Variants in ABCB5 observed in about 807,000 individuals in gnomAD.
ABCB5 encodes the protein ATP-binding cassette sub-family B member 5.
Under a neutral mutation model 144.2 loss-of-function variants are expected in ABCB5, and 155 were observed. The observed-to-expected ratio is 1.08, with a 90% CI of 0.94 to 1.23. ABCB5 has a LOEUF of 1.23. Ranked by LOEUF, ABCB5 falls within the 50% of genes most tolerant of loss-of-function variation. The probability of loss-of-function intolerance (pLI) is 0.00; values close to 1 mark genes in which losing one functional copy is unlikely to be tolerated. For missense variants in ABCB5, 1,830 were observed against 1,520.8 expected (o/e 1.20, Z -3.38); for synonymous variants, 610 against 528.6 (o/e 1.15, Z -2.11).
rs758544570 is a variant in ABCB5 at position 20,742,879 on chromosome 7, C to T, written c.3027C>T (p.Asp1009=). The change falls in exon 25 of 28, where the codon GAC becomes GAT. Residue 1009 remains aspartate (D), a splice_region_variant and synonymous_variant. Coordinates refer to ENST00000404938, the MANE Select transcript of ABCB5 (RefSeq NM_001163941.2). Reference sequence around the variant, plus strand: ...ACTCTGTCAACTTCCTTTCACAGGACACATGTGAAGGGAATTTAGAGTTTC... The same window carrying T: ...ACTCTGTCAACTTCCTTTCACAGGATACATGTGAAGGGAATTTAGAGTTTC... The part of the protein sequence containing the change: ...DSRSQEGKKP[D]TCEGNLEFRE... The T allele has an allele frequency of 1.5e-5, 25 of 1,613,846 alleles. No homozygotes were observed. The East Asian group carries it at 3.8e-4, about 24-fold the overall frequency.
chr7:20,687,515 C>G (rs1376107892), intron 16 of ABCB5, among the ~76,000 whole-genome samples: 1 of 152,168 alleles, frequency 6.6e-6, no homozygotes, highest in African/African-American at 2.4e-5. Context: ...CACAGACCTG[C>G]TCTGAAAAGA....
chr7:20,659,308 G>C (rs1583403374), intron 14 of ABCB5: 9 of 1,425,192 alleles, frequency 6.3e-6, no homozygotes, highest in Non-Finnish European at 7.3e-6. Context: ...TCGATGGCCT[G>C]ACTCCCTTAT....
At chr7:20,676,906 G>A (rs1785632329) in intron 14 of ABCB5, among the ~76,000 whole-genome samples, 1 of 151,994 alleles carries the variant, frequency 6.6e-6, no homozygotes, top group East Asian at 1.9e-4. Context: ...TCCAAACCCA[G>A]GACTTGCAAC....
intron 15 of ABCB5, among the ~76,000 whole-genome samples, chr7:20,683,692 T>A (rs900471958): frequency 6.6e-6 from 1 of 152,186 alleles, no homozygotes; most frequent in South Asian, 2.1e-4. Context: ...CAATCAGATA[T>A]AACAACACCG....
At chr7:20,639,390 T>C (rs1039660181) in intron 5 of ABCB5, among the ~76,000 whole-genome samples, 1 of 152,190 alleles carries the variant, frequency 6.6e-6, no homozygotes, top group Non-Finnish European at 1.5e-5. Flanking sequence ...TTTTATGGAT[T>C]GCACTTTTGG....
intron 8 of ABCB5, 21 bp from the exon 9 acceptor site, chr7:20,645,940 G>T: frequency 6.2e-7 from 1 of 1,612,698 alleles, no homozygotes; most frequent in Non-Finnish European, 8.5e-7. Context: ...TGGCTACTAA[G>T]TTGTGTTCTG....
At chr7:20,734,039 A>T (rs1329612242) in intron 23 of ABCB5, among the ~76,000 whole-genome samples, 2 of 152,194 alleles carry the variant, frequency 1.3e-5, no homozygotes, top group African/African-American at 4.8e-5. Flanking sequence ...ATTCTCCTCC[A>T]GTATTAAATG....
intron 23 of ABCB5, among the ~76,000 whole-genome samples, chr7:20,735,074 G>A (rs1782342475): frequency 6.6e-6 from 1 of 152,116 alleles, no homozygotes; most frequent in Non-Finnish European, 1.5e-5. Flanking sequence ...CTATCTCTGT[G>A]AGTTTCTTCC....
In ABCB5 at chr7:20,647,693, G is replaced by A. The variant is rs374824164; in HGVS notation, c.1095+45G>A. The A allele has an allele frequency of 8.2e-5, 125 of 1,532,556 alleles. No individual in the cohort carries two copies. The East Asian group carries it at 2.3e-3, about 28-fold the overall frequency. The allele number at this position is 1,532,556 out of a possible 1,614,324, so 94.9% of individuals were successfully genotyped here. A position where few individuals can be genotyped will look rare whatever the true frequency, so the allele number is the denominator to read the frequency against. On this transcript the variant is annotated intron_variant, in intron 10 of 27. Transcript: ENST00000404938. Reference sequence around the variant, plus strand: ...TGAAGAATAACTATCATTACTGCAAGAAGGAGACAAAAAAACATACACCCT... The same window carrying A: ...TGAAGAATAACTATCATTACTGCAAAAAGGAGACAAAAAAACATACACCCT...
intron 4 of ABCB5, among the ~76,000 whole-genome samples, 166 bp downstream of exon 4, chr7:20,629,004 A>G (rs577574196): frequency 4.4e-4 from 67 of 152,286 alleles, no homozygotes; most frequent in African/African-American, 1.5e-3. Flanking sequence ...AAGAAACAAA[A>G]TCTTCATGAC....
At position 20,753,428 on chromosome 7, in the gene ABCB5, T is replaced by G; in HGVS notation, c.3498T>G (p.Ile1166Met). ...GCGGCCAGAAACAAAGACTAGCTAT[T>G]GCAAGGGCTCTTCTCCAAAAACCCA... is the stretch of plus-strand genomic sequence containing the variant. ...LSGGQKQRLA[I>M]ARALLQKPKI... is the part of the protein sequence containing the mutation. The change falls in exon 27 of 28, where the codon ATT (isoleucine) becomes ATG (methionine). Residue 1166 changes from isoleucine (I) to methionine (M), a missense_variant. Coordinates refer to ENST00000404938, the MANE Select transcript of ABCB5 (RefSeq NM_001163941.2). The G allele has an allele frequency of 1.2e-6, 2 of 1,614,178 alleles. No individual in the cohort carries two copies. The highest frequency in any genetic ancestry group is 1.7e-6 in the Non-Finnish European group (2 of 1,180,004).
intron 4 of ABCB5, among the ~76,000 whole-genome samples, chr7:20,630,683 C>T (rs1306813148): frequency 6.6e-6 from 1 of 152,134 alleles, no homozygotes; most frequent in Non-Finnish European, 1.5e-5. Flanking sequence ...TACTACATCT[C>T]CATGAACAAA....
At chr7:20,682,515 G>A (rs755220350) in intron 15 of ABCB5, among the ~76,000 whole-genome samples, 4 of 152,256 alleles carry the variant, frequency 2.6e-5, no homozygotes, top group East Asian at 3.9e-4. Flanking sequence ...GAGGTAAGAA[G>A]GAACTTGGTG....
At chr7:20,727,192 C>A (rs1035552313) in intron 22 of ABCB5, 52 bp downstream of exon 22, 1 of 1,360,082 alleles carries the variant, frequency 7.4e-7, no homozygotes. Context: ...TCTGTAAAGG[C>A]AGTACTCTCA....
At chr7:20,646,953 A>T (rs1010840103) in intron 9 of ABCB5, among the ~76,000 whole-genome samples, 3 of 152,238 alleles carry the variant, frequency 2.0e-5, no homozygotes, top group Non-Finnish European at 2.9e-5. Flanking sequence ...TATCTGGCTT[A>T]CTAAGCCTAA....
intron 24 of ABCB5, 49 bp from the exon 25 acceptor site, chr7:20,742,828 A>T: frequency 1.3e-6 from 2 of 1,586,158 alleles, no homozygotes; most frequent in South Asian, 2.2e-5. Flanking sequence ...ACAGTGTGTT[A>T]CAACCTTCCC....
chr7:20,681,502 T>C lies in ABCB5; in HGVS notation c.1708-3T>C, dbSNP rs373383921. On this transcript the variant is annotated splice_region_variant and splice_polypyrimidine_tract_variant and intron_variant, in intron 14 of 27. Transcript: ENST00000404938. Reference sequence around the variant, plus strand: ...TTTATTTTCTATGCATTTTATTCTGTAGGCGAGCAAAGGTCGGACTACAAT... The same window carrying C: ...TTTATTTTCTATGCATTTTATTCTGCAGGCGAGCAAAGGTCGGACTACAAT... 1.4e-5 allele frequency: 23 copies of C among 1,613,840 alleles called. No individual in the cohort carries two copies. The highest frequency in any genetic ancestry group is 1.6e-5 in the Non-Finnish European group (19 of 1,179,912).
intron 14 of ABCB5, among the ~76,000 whole-genome samples, chr7:20,671,040 G>C (rs1441997107): frequency 6.6e-6 from 1 of 152,200 alleles, no homozygotes; most frequent in South Asian, 2.1e-4. Flanking sequence ...CACTAAGCAT[G>C]TTAGTGCTTA....
chr7:20,657,943 A>G (rs1397144036), intron 13 of ABCB5, among the ~76,000 whole-genome samples: 8 of 152,224 alleles, frequency 5.3e-5, no homozygotes, highest in Non-Finnish European at 8.8e-5. Flanking sequence ...CCCTACCACA[A>G]ATATGGAAGA....
Sources: gnomAD v4.1 joint callset for allele counts (sites outside exome capture counted in the v4.1 genomes callset) on GRCh38, gnomAD v4.1.1 for gene constraint, MANE v1.5 for transcripts, NCBI Gene and HGNC (gene_info 2026-07-23, HGNC 2026-07-21) for gene names.